DAB2IP: variants seen among roughly 807,000 people sequenced by gnomAD.
DAB2IP encodes the protein disabled homolog 2-interacting protein.
Under a neutral mutation model 107.2 loss-of-function variants are expected in DAB2IP, and 28 were observed. That is an observed-to-expected ratio of 0.26 (90% CI 0.19 to 0.36). The LOEUF is 0.36. Ranked by LOEUF, DAB2IP falls within the 10% of genes least tolerant of loss-of-function variation. The probability of loss-of-function intolerance (pLI) is 1.00; values close to 1 mark genes in which losing one functional copy is unlikely to be tolerated. For missense variants in DAB2IP, 1,400 were observed against 1,644.7 expected, an observed-to-expected ratio of 0.85 and a Z score of 2.57; for synonymous variants, 755 against 706.4, an observed-to-expected ratio of 1.07 and a Z score of -1.09.
At chr9:121,567,685 G>A (rs565010472) in intron 1 of DAB2IP, among the ~76,000 whole-genome samples, 9 of 152,348 alleles carry the variant, frequency 5.9e-5, no homozygotes, top group Non-Finnish European at 8.8e-5. Context: ...AGCACTCCCC[G>A]TGTGACAGGG....
At chr9:121,755,619 T>TA (rs1419548630) in intron 3 of DAB2IP, among the ~76,000 whole-genome samples, 1 of 152,160 alleles carries the variant, frequency 6.6e-6, no homozygotes, top group Non-Finnish European at 1.5e-5. Context: ...GGAGGGCTCT[T>TA]ATGCTCAGAG....
At chr9:121,632,052 G>C (rs1106008) in intron 1 of DAB2IP, among the ~76,000 whole-genome samples, 64,966 of 151,854 alleles carry the variant, frequency 0.43, 18,063 homozygotes, top group African/African-American at 0.77. Flanking sequence ...CTCGTGGGGA[G>C]AGACAGGGGC....
At chr9:121,658,873 T>C (rs1833080766) in intron 1 of DAB2IP, among the ~76,000 whole-genome samples, 1 of 152,216 alleles carries the variant, frequency 6.6e-6, no homozygotes. Flanking sequence ...GCCAGGTTCC[T>C]GTGTTGACTT....
At chr9:121,569,068 C>T (rs1829871359) in intron 1 of DAB2IP, among the ~76,000 whole-genome samples, 1 of 152,232 alleles carries the variant, frequency 6.6e-6, no homozygotes, top group Non-Finnish European at 1.5e-5. Context: ...CAGGCTCTCT[C>T]TGGGAGCAAT....
chr9:121,648,770 G>A (rs930469645), upstream of DAB2IP, among the ~76,000 whole-genome samples: 22 of 152,124 alleles, frequency 1.4e-4, no homozygotes. Context: ...TCTGGAGGTG[G>A]GAGAATAAGA....
At chr9:121,727,694 C>T (rs1190920772) in intron 3 of DAB2IP, among the ~76,000 whole-genome samples, 1 of 152,180 alleles carries the variant, frequency 6.6e-6, no homozygotes, top group Admixed American at 6.5e-5. Context: ...TGTTGGGGGC[C>T]CCCACTGCAG....
chr9:121,599,633 C>A lies in DAB2IP; in HGVS notation c.40+32405C>A, dbSNP rs2118949806. Reference sequence around the variant, plus strand: ...GCCCGCCCCGCTCCACTCGGCCCAGCTGGCGCGAAGGAAACTTTCCTGCAG... The same window carrying A: ...GCCCGCCCCGCTCCACTCGGCCCAGATGGCGCGAAGGAAACTTTCCTGCAG... On this transcript the variant is annotated intron_variant, in intron 1 of 16. Transcript: ENST00000259371. This position sits in a 1 kb window ranked among gnomAD's most constrained non-coding sequence, Gnocchi z 6.9. Among the ~76,000 whole-genome samples the A allele has an allele frequency of 6.6e-6, 1 of 152,298 alleles. No homozygotes were observed. The highest frequency in any genetic ancestry group is 2.1e-4 in the South Asian group (1 of 4,830).
chr9:121,601,132 C>T (rs1830673353), intron 1 of DAB2IP, among the ~76,000 whole-genome samples: 1 of 152,266 alleles, frequency 6.6e-6, no homozygotes, highest in South Asian at 2.1e-4. Context: ...TACAAGGCTT[C>T]TGTCTATCTT....
chr9:121,597,309 C>T (rs1249025240), intron 1 of DAB2IP, among the ~76,000 whole-genome samples: 3 of 152,202 alleles, frequency 2.0e-5, no homozygotes, highest in Non-Finnish European at 4.4e-5. Flanking sequence ...GGTAGGGATT[C>T]AGCTCATCTT....
At chr9:121,676,632 G>GATGCACACACACACACAC (rs1554723111) in intron 1 of DAB2IP, among the ~76,000 whole-genome samples, 2 of 88,438 alleles carry the variant, frequency 2.3e-5, no homozygotes, top group Non-Finnish European at 4.8e-5. Flanking sequence ...GAGTTCTGCA[G>GATGCACACACACACACAC]ACGCACACAC....
At chr9:121,770,855 G>C in intron 11 of DAB2IP, 131 bp downstream of exon 11, 1 of 1,251,436 alleles carries the variant, frequency 8.0e-7, no homozygotes, top group Non-Finnish European at 1.1e-6. Context: ...GACTTGAGTT[G>C]TACAGGTCCT....
rs182579517 is a variant in DAB2IP at position 121,633,610 on chromosome 9, G to A, written c.41-45068G>A. ...GAGACTCTTTTCATTAGGCTTTTAA[G>A]ACCTGGCAGGCTCTATCCCCCTTGG... On this transcript the variant is annotated intron_variant, in intron 1 of 16. Coordinates refer to the DAB2IP transcript ENST00000259371. This position sits in a 1 kb window ranked among gnomAD's most constrained non-coding sequence, Gnocchi z 5.1. Among the ~76,000 whole-genome samples the A allele has an allele frequency of 2.9e-3, 447 of 152,324 alleles. 2 individuals are homozygous for A. Among genetic ancestry groups the A allele is most frequent in the Middle Eastern group, 6.8e-3 (2 of 294 alleles).
chr9:121,703,478 T>C (rs777767522), intron 3 of DAB2IP, among the ~76,000 whole-genome samples: 5 of 152,146 alleles, frequency 3.3e-5, no homozygotes, highest in African/African-American at 1.2e-4. Flanking sequence ...GGGATGTATG[T>C]GATCTTTGGA....
In DAB2IP at chr9:121,760,730, AC is replaced by A. The variant is rs1268034416; in HGVS notation, c.1170+296del. 6.6e-6 allele frequency among the ~76,000 whole-genome samples: 1 copy of A among 151,280 alleles called. No individual in the cohort carries two copies. The highest frequency in any genetic ancestry group is 1.5e-5 in the Non-Finnish European group (1 of 67,844). The stretch of plus-strand genomic sequence containing the variant: ...CTTCCACCACTGCTGCAGAGGACCG[AC>A]CCCCTGAGGCGCCAGGGGAACAGGC... On this transcript the variant is annotated intron_variant, in intron 6 of 15. Coordinates refer to ENST00000408936, the Ensembl canonical transcript of DAB2IP. This position sits in a 1 kb window ranked among gnomAD's most constrained non-coding sequence, Gnocchi z 5.9.
chr9:121,600,540 C>T (rs1212675266), intron 1 of DAB2IP, among the ~76,000 whole-genome samples: 1 of 152,162 alleles, frequency 6.6e-6, no homozygotes, highest in Non-Finnish European at 1.5e-5. Flanking sequence ...CCTCTGGCCC[C>T]TTCTGCTATT....
intron 1 of DAB2IP, among the ~76,000 whole-genome samples, chr9:121,602,870 T>C (rs866284089): frequency 2.1e-4 from 32 of 152,236 alleles, no homozygotes; most frequent in African/African-American, 6.3e-4. Flanking sequence ...CCACCGCGCC[T>C]GGCCAATTTT....
intron 3 of DAB2IP, among the ~76,000 whole-genome samples, chr9:121,740,447 C>G (rs1396855716): frequency 4.6e-5 from 7 of 152,186 alleles, no homozygotes; most frequent in Admixed American, 6.5e-5. Flanking sequence ...TATCCTGGAG[C>G]CTGGCTTACC....
At chr9:121,707,435 C>T (rs1378418432) in intron 3 of DAB2IP, among the ~76,000 whole-genome samples, 1 of 152,232 alleles carries the variant, frequency 6.6e-6, no homozygotes, top group African/African-American at 2.4e-5. Flanking sequence ...TGAGATCCCA[C>T]CTCCACTTTT....
chr9:121,629,332 G>A (rs943351429), intron 1 of DAB2IP, among the ~76,000 whole-genome samples: 1 of 152,154 alleles, frequency 6.6e-6, no homozygotes, highest in Admixed American at 6.5e-5. Context: ...GCAGAGGGTG[G>A]TGGGGGTGAC....
Sources: gnomAD v4.1 joint callset for allele counts (sites outside exome capture counted in the v4.1 genomes callset) on GRCh38, gnomAD v4.1.1 for gene constraint, Gnocchi (gnomAD v3.1) non-coding constraint, MANE v1.5 for transcripts, NCBI Gene and HGNC (gene_info 2026-07-23, HGNC 2026-07-21) for gene names.